The following IGSF11 variants were observed in gnomAD, a reference collection of about 807,000 sequenced individuals.
IGSF11 encodes the protein immunoglobulin superfamily member 11, also known as CXADR like 1.
Under a neutral mutation model 41.0 loss-of-function variants are expected in IGSF11, and 22 were observed. That is an observed-to-expected ratio of 0.54 (90% CI 0.38 to 0.77). The LOEUF is 0.77. Ranked by LOEUF, IGSF11 falls within the 30% of genes least tolerant of loss-of-function variation. The pLI, the probability that IGSF11 is intolerant of heterozygous loss-of-function variation, is 0.00. For missense variants in IGSF11, 444 were observed against 530.8 expected, an observed-to-expected ratio of 0.84 and a Z score of 1.61; for synonymous variants, 219 against 201.3, an observed-to-expected ratio of 1.09 and a Z score of -0.74.
intron 1 of IGSF11, among the ~76,000 whole-genome samples, chr3:118,943,376 A>G (rs77500433): frequency 0.026 from 3,896 of 152,314 alleles, 141 homozygotes; most frequent in African/African-American, 0.089. Flanking sequence ...TGCCCTAAGC[A>G]TTATATAAGG....
intron 1 of IGSF11, among the ~76,000 whole-genome samples, chr3:118,951,853 T>C (rs1944595512): frequency 6.6e-6 from 1 of 151,446 alleles, no homozygotes; most frequent in African/African-American, 2.5e-5. Flanking sequence ...TATTTGTATG[T>C]TTTATCATTG....
chr3:119,100,065 C>A (rs945589903), intron 1 of IGSF11, among the ~76,000 whole-genome samples: 18 of 152,264 alleles, frequency 1.2e-4, no homozygotes, highest in Admixed American at 7.8e-4. Context: ...GAGCTTCATG[C>A]AACTTAAAAT....
In IGSF11 at chr3:119,055,533, C is replaced by A. The variant is rs570126057; in HGVS notation, c.49+49611G>T. Among the ~76,000 whole-genome samples the A allele has an allele frequency of 2.0e-5, 3 of 152,246 alleles. No individual in the cohort carries two copies. In the East Asian group the frequency reaches 5.8e-4, roughly 29 times the overall value. ...CACAGTAATAATGGGAGACTTTTAA[C>A]AACCCACTGTCAACATTAGACAGAA... On this transcript the variant is annotated intron_variant, in intron 1 of 6. Coordinates refer to the IGSF11 transcript ENST00000354673.
At chr3:119,078,253 T>C (rs1406449557) in intron 1 of IGSF11, among the ~76,000 whole-genome samples, 2 of 152,120 alleles carry the variant, frequency 1.3e-5, no homozygotes, top group Non-Finnish European at 2.9e-5. Context: ...TCATACTACC[T>C]GATGTCAAGT....
At chr3:119,109,996 A>T (rs1280521130), upstream of IGSF11, among the ~76,000 whole-genome samples, 1 of 151,860 alleles carries the variant, frequency 6.6e-6, no homozygotes, top group Non-Finnish European at 1.5e-5. Flanking sequence ...TGTTGAGGAG[A>T]GCTTTACTTC....
At chr3:119,027,323 A>T (rs1379533346) in intron 1 of IGSF11, among the ~76,000 whole-genome samples, 1 of 152,228 alleles carries the variant, frequency 6.6e-6, no homozygotes, top group African/African-American at 2.4e-5. Context: ...ACCAAAGATG[A>T]ATATCCAAAA....
intron 1 of IGSF11, among the ~76,000 whole-genome samples, chr3:119,034,121 C>T (rs75166470): frequency 6.6e-6 from 1 of 152,138 alleles, no homozygotes; most frequent in African/African-American, 2.4e-5. Flanking sequence ...TAAAGTTTTC[C>T]AAATGATTTT....
At chr3:119,033,801 G>T (rs956536628) in intron 1 of IGSF11, among the ~76,000 whole-genome samples, 4 of 152,280 alleles carry the variant, frequency 2.6e-5, no homozygotes, top group African/African-American at 9.6e-5. Flanking sequence ...TGAAAATCAG[G>T]ATCTAAATTA....
intron 1 of IGSF11, among the ~76,000 whole-genome samples, chr3:119,005,298 T>C (rs1937381907): frequency 1.3e-5 from 2 of 148,334 alleles, no homozygotes; most frequent in African/African-American, 2.6e-5. Context: ...CTGCCTTTTT[T>C]TGTTTTCCAT....
At chr3:119,127,940 CT>C (rs1174453689) in intron 1 of IGSF11, among the ~76,000 whole-genome samples, 1 of 152,240 alleles carries the variant, frequency 6.6e-6, no homozygotes, top group African/African-American at 2.4e-5. Context: ...GTACCAGCCA[CT>C]GCAAAAACAC....
chr3:119,001,077 G>A (rs1433659302), intron 1 of IGSF11, among the ~76,000 whole-genome samples: 2 of 151,920 alleles, frequency 1.3e-5, no homozygotes, highest in African/African-American at 4.8e-5. Context: ...CTTTGTACTG[G>A]CTGTCTCTCT....
chr3:119,076,261 C>A (rs1033441900), intron 1 of IGSF11, among the ~76,000 whole-genome samples: 1 of 152,160 alleles, frequency 6.6e-6, no homozygotes, highest in African/African-American at 2.4e-5. Flanking sequence ...AACATTAATT[C>A]AAGATGAATT....
At chr3:119,066,781 CT>C (rs553460313) in intron 1 of IGSF11, among the ~76,000 whole-genome samples, 7 of 152,244 alleles carry the variant, frequency 4.6e-5, no homozygotes, top group African/African-American at 1.4e-4. Context: ...GGTATTTTCT[CT>C]TGAATTGTCT....
In IGSF11 at chr3:118,907,561, C is replaced by T. The variant is rs1029219512; in HGVS notation, c.581-1843G>A. Among the ~76,000 whole-genome samples, 3 of 152,254 alleles carry T rather than the reference C, an allele frequency of 2.0e-5. No homozygotes were observed. The South Asian group carries it at 6.2e-4, about 32-fold the overall frequency. The stretch of plus-strand genomic sequence containing the variant: ...GCTGTCTCAGAAATTGCCAGGCACA[C>T]AGAAAGGTGCTAAATAAAAGTGATC... On this transcript the variant is annotated intron_variant, in intron 4 of 6. Transcript: ENST00000393775.
In IGSF11 at chr3:118,977,721, C is replaced by G. The variant is rs963528846; in HGVS notation, c.53-47446G>C. ...ACAACAATCCTAGCCAGGGGAGAGC[C>G]CTTTGACCCTCAGAGGCCTTGAAAG... On this transcript the variant is annotated intron_variant, in intron 1 of 6. Coordinates refer to ENST00000393775, the MANE Select transcript of IGSF11 (RefSeq NM_001015887.3). 4.6e-5 allele frequency among the ~76,000 whole-genome samples: 7 copies of G among 152,244 alleles called. 1 individual carries two copies. Among genetic ancestry groups the G allele is most frequent in the East Asian group, 1.9e-4 (1 of 5,172 alleles).
At chr3:119,137,883 C>A (rs2077583770) in intron 1 of IGSF11, among the ~76,000 whole-genome samples, 1 of 151,946 alleles carries the variant, frequency 6.6e-6, no homozygotes, top group Admixed American at 6.6e-5. Flanking sequence ...ATAATCCAAT[C>A]AAAAATGGGC....
At chr3:119,121,345 A>C (rs2077331482) in intron 1 of IGSF11, among the ~76,000 whole-genome samples, 1 of 152,232 alleles carries the variant, frequency 6.6e-6, no homozygotes. Context: ...CAACAAATAA[A>C]GGATAGGAAT....
At chr3:118,989,625 A>T (rs574056110) in intron 1 of IGSF11, among the ~76,000 whole-genome samples, 1 of 152,318 alleles carries the variant, frequency 6.6e-6, no homozygotes, top group South Asian at 2.1e-4. Flanking sequence ...AACTGCTGAG[A>T]TTACAGGCAT....
intron 1 of IGSF11, among the ~76,000 whole-genome samples, chr3:119,138,194 T>C (rs1488784397): frequency 6.6e-6 from 1 of 151,048 alleles, no homozygotes; most frequent in Non-Finnish European, 1.5e-5. Flanking sequence ...TGAGCTACCA[T>C]ATGATCCACA....
Sources: gnomAD v4.1 joint callset for allele counts (sites outside exome capture counted in the v4.1 genomes callset) on GRCh38, gnomAD v4.1.1 for gene constraint, MANE v1.5 for transcripts, NCBI Gene and HGNC (gene_info 2026-07-23, HGNC 2026-07-21) for gene names.